Variants in ABAT observed in about 807,000 individuals in gnomAD.
ABAT encodes 4-aminobutyrate aminotransferase.
Under a neutral mutation model 64.6 loss-of-function variants are expected in ABAT, and 45 were observed. The ratio of observed to expected loss-of-function variants is 0.70; its 90% CI spans 0.55 to 0.89. The LOEUF (loss-of-function observed/expected upper bound fraction) is 0.89. Ranked by LOEUF, ABAT falls within the 40% of genes least tolerant of loss-of-function variation. ABAT has a pLI of 0.00. For missense variants in ABAT, 633 were observed against 658.4 expected, an observed-to-expected ratio of 0.96 and a Z score of 0.42; for synonymous variants, 297 against 250.5, an observed-to-expected ratio of 1.19 and a Z score of -1.75.
intron 1 of ABAT, among the ~76,000 whole-genome samples, chr16:8,730,383 G>A (rs992687945): frequency 2.6e-5 from 4 of 152,070 alleles, no homozygotes; most frequent in South Asian, 2.1e-4. Context: ...CAGCCACAGC[G>A]TGCTGGAACT....
At chr16:8,699,117 T>C (rs978782002) in intron 1 of ABAT, among the ~76,000 whole-genome samples, 1 of 152,268 alleles carries the variant, frequency 6.6e-6, no homozygotes, top group East Asian at 1.9e-4. Context: ...TGTTTTCCAC[T>C]CTGTGCCACA....
At position 8,780,227 on chromosome 16, in the gene ABAT, C is replaced by G. The variant is rs182391633; in HGVS notation, c.1381+637C>G. 3.1e-4 allele frequency among the ~76,000 whole-genome samples: 47 copies of G among 152,044 alleles called. No homozygotes were observed. In the East Asian group the frequency reaches 6.4e-3, roughly 21 times the overall value. ...GAAGCTGGGGGAGGAGAGGCCAGGCCCGGGTCGCATGGGCCTGCAGATCAG... is the reference window on the plus strand; with the variant it reads ...GAAGCTGGGGGAGGAGAGGCCAGGCGCGGGTCGCATGGGCCTGCAGATCAG... On this transcript the variant is annotated intron_variant, in intron 15 of 15. Coordinates refer to ENST00000268251, the MANE Select transcript of ABAT (RefSeq NM_020686.6).
intron 2 of ABAT, among the ~76,000 whole-genome samples, chr16:8,739,000 A>G (rs572207200): frequency 6.6e-6 from 1 of 152,314 alleles, no homozygotes; most frequent in South Asian, 2.1e-4. Context: ...TTTACCCATA[A>G]TTATGCTAAA....
chr16:8,723,828 T>C (rs2058451637), intron 1 of ABAT, among the ~76,000 whole-genome samples: 1 of 19,308 alleles, frequency 5.2e-5, no homozygotes, highest in Non-Finnish European at 9.3e-5. Flanking sequence ...TATATATATA[T>C]TTTTTTTTTT....
In ABAT at chr16:8,735,771, C is replaced by T; in HGVS notation, c.32C>T (p.Ala11Val). The change falls in exon 2 of 16, where the codon GCC becomes GTC. Residue 11 changes from alanine (A) to valine (V), a missense_variant. By Grantham distance (64) the Ala-to-Val change is moderately conservative. Coordinates refer to ENST00000268251, the MANE Select transcript of ABAT (RefSeq NM_020686.6). ...TCCATGTTGCTCGCCCAGCGCCTGG[C>T]CTGCAGCTTCCAGCACAGCTACCGC... MASMLLAQRLACSFQHSYRLL... is the reference protein window; with the variant it reads MASMLLAQRLVCSFQHSYRLL... 6.2e-7 allele frequency: 1 copy of T among 1,607,948 alleles called. No homozygotes were observed. The highest frequency in any genetic ancestry group is 8.5e-7 in the Non-Finnish European group (1 of 1,177,540).
At chr16:8,723,807 TTTTA>T (rs1567286112) in intron 1 of ABAT, among the ~76,000 whole-genome samples, 1 of 69,530 alleles carries the variant, frequency 1.4e-5, no homozygotes. Flanking sequence ...GATCCAAGCT[TTTTA>T]TATATATATA....
chr16:8,768,140 C>T lies in ABAT; in HGVS notation c.604-53C>T. 16 of 1,537,936 alleles carry T rather than the reference C, an allele frequency of 1.0e-5. 2 individuals are homozygous for T. In the South Asian group the frequency reaches 1.8e-4, roughly 17 times the overall value. On this transcript the variant is annotated intron_variant, in intron 9 of 15. Coordinates refer to ENST00000268251, the MANE Select transcript of ABAT (RefSeq NM_020686.6). Reference sequence around the variant, plus strand: ...CTCTGGACTTGCAGGGGCAACAATACAGTTCCCCCATCCTTACAACTATGA... The same window carrying T: ...CTCTGGACTTGCAGGGGCAACAATATAGTTCCCCCATCCTTACAACTATGA...
intron 1 of ABAT, among the ~76,000 whole-genome samples, chr16:8,688,735 G>T (rs1419227873): frequency 1.3e-5 from 2 of 152,146 alleles, no homozygotes; most frequent in Non-Finnish European, 2.9e-5. Flanking sequence ...TTACAGGCAT[G>T]AGCCACCAAG....
At chr16:8,733,616 G>A (rs1185807364) in intron 1 of ABAT, among the ~76,000 whole-genome samples, 2 of 151,898 alleles carry the variant, frequency 1.3e-5, no homozygotes, top group African/African-American at 2.4e-5. Context: ...GATCACTTGC[G>A]GTTAGGGGCT....
intron 1 of ABAT, among the ~76,000 whole-genome samples, chr16:8,685,542 AGCCTGC>A (rs1358460983): frequency 2.0e-5 from 3 of 151,596 alleles, no homozygotes; most frequent in Non-Finnish European, 2.9e-5. Flanking sequence ...CTGGCGTGGC[AGCCTGC>A]GCCTGTAGTC....
At chr16:8,728,170 G>C (rs1227369255) in intron 1 of ABAT, among the ~76,000 whole-genome samples, 1 of 152,200 alleles carries the variant, frequency 6.6e-6, no homozygotes, top group Non-Finnish European at 1.5e-5. Context: ...GTGGATGAGA[G>C]GGAGTGAATG....
intron 1 of ABAT, among the ~76,000 whole-genome samples, chr16:8,700,911 C>CTTTTTTTTTTTTT (rs1174749864): frequency 7.6e-6 from 1 of 131,566 alleles, no homozygotes. Flanking sequence ...GGCCTTAATT[C>CTTTTTTTTTTTTT]TTTTTTTTTT....
intron 1 of ABAT, among the ~76,000 whole-genome samples, chr16:8,716,263 C>T (rs2058213837): frequency 6.6e-6 from 1 of 152,126 alleles, no homozygotes; most frequent in Admixed American, 6.5e-5. Context: ...TCGGGCAAAT[C>T]ACTTAACCTC....
At position 8,760,810 on chromosome 16, in the gene ABAT, C is replaced by G. The variant is rs2059774152; in HGVS notation, c.366+3004C>G. Among the ~76,000 whole-genome samples, 5 of 152,182 alleles carry G rather than the reference C, an allele frequency of 3.3e-5. No homozygotes were observed. The South Asian group carries it at 1.0e-3, about 32-fold the overall frequency. ...GAGATTCCGGCTGCATGTGGTGGCT[C>G]ACGCCTGTAATCTCAGCACTCTGGG... On this transcript the variant is annotated intron_variant, in intron 6 of 15. Coordinates refer to ENST00000268251, the MANE Select transcript of ABAT (RefSeq NM_020686.6).
chr16:8,709,530 T>A (rs921403689), intron 1 of ABAT, among the ~76,000 whole-genome samples: 1 of 152,088 alleles, frequency 6.6e-6, no homozygotes, highest in Non-Finnish European at 1.5e-5. Context: ...CCTGCCACCA[T>A]ACCCAGCTAA....
At chr16:8,758,098 A>T (rs968797929) in intron 6 of ABAT, among the ~76,000 whole-genome samples, 3 of 152,250 alleles carry the variant, frequency 2.0e-5, no homozygotes, top group African/African-American at 4.8e-5. Flanking sequence ...TGATGCTAAT[A>T]GTTAATGTTT....
At chr16:8,704,443 A>T (rs1403780217) in intron 1 of ABAT, among the ~76,000 whole-genome samples, 1 of 152,234 alleles carries the variant, frequency 6.6e-6, no homozygotes, top group Non-Finnish European at 1.5e-5. Context: ...AATGCTAGAG[A>T]GACTTCTTTT....
intron 6 of ABAT, among the ~76,000 whole-genome samples, chr16:8,761,845 C>A (rs1474847160): frequency 2.0e-5 from 3 of 152,150 alleles, no homozygotes; most frequent in Admixed American, 2.0e-4. Context: ...CCTTTTTGCA[C>A]CCAAACCAAA....
chr16:8,781,667 C>T lies in ABAT; in HGVS notation c.*237C>T. 1 of 605,302 alleles carries T rather than the reference C, an allele frequency of 1.7e-6. No individual in the cohort carries two copies. 37.5% of individuals were successfully genotyped at this position (605,302 alleles called of 1,614,324 possible). On this transcript the variant is annotated 3_prime_UTR_variant, in exon 16 of 16. Coordinates refer to ENST00000268251, the MANE Select transcript of ABAT (RefSeq NM_020686.6). The surrounding 1 kb of genome is among the most constrained non-coding windows in gnomAD (Gnocchi z 4.5). ...CATTGGTTTAAGCCCAGAGATCCTGCTTGAGCCCTGGACTCATCTTGGGAA... is the reference window on the plus strand; with the variant it reads ...CATTGGTTTAAGCCCAGAGATCCTGTTTGAGCCCTGGACTCATCTTGGGAA...
Sources: allele counts gnomAD v4.1 joint callset (sites outside exome capture counted in the v4.1 genomes callset), GRCh38; gene constraint gnomAD v4.1.1; non-coding constraint Gnocchi (gnomAD v3.1); transcripts MANE v1.5; gene names NCBI Gene and HGNC (gene_info 2026-07-23, HGNC 2026-07-21).